Variants in FHIP1A observed in about 807,000 individuals in gnomAD.
FHIP1A encodes FHF complex subunit HOOK interacting protein 1A, also known as FHF complex subunit HOOK-interacting protein 1A.
FHIP1A carries 61 observed loss-of-function variants against 88.6 expected under a neutral mutation model. That is an observed-to-expected ratio of 0.69 (90% CI 0.56 to 0.85). The LOEUF (loss-of-function observed/expected upper bound fraction) is 0.85, where lower values mean the gene tolerates loss of function less well. FHIP1A is among the 40% of genes least tolerant of loss of function. The pLI is 0.00. For missense variants in FHIP1A, 1,154 were observed against 1,273.5 expected (o/e 0.91, Z 1.43); for synonymous variants, 478 against 496.0 (o/e 0.96, Z 0.48).
chr4:151,565,991 C>A, intron 3 of FHIP1A, 147 bp from the exon 4 acceptor site: 1 of 237,488 alleles, frequency 4.2e-6, no homozygotes, highest in Non-Finnish European at 8.2e-6. Flanking sequence ...ACAGGAGAGC[C>A]TTTAGATTGA....
intron 3 of FHIP1A, among the ~76,000 whole-genome samples, chr4:151,518,036 A>G (rs940031030): frequency 2.0e-5 from 3 of 152,210 alleles, no homozygotes; most frequent in Non-Finnish European, 4.4e-5. Flanking sequence ...GATGTACAGT[A>G]TTTATAAAGT....
At position 151,666,361 on chromosome 4, in the gene FHIP1A, A is replaced by G. The variant is rs1737664983; in HGVS notation, c.*3607A>G. Among the ~76,000 whole-genome samples, 2 of 152,166 alleles carry G rather than the reference A, an allele frequency of 1.3e-5. No individual in the cohort carries two copies. Among genetic ancestry groups the G allele is most frequent in the African/African-American group, 4.8e-5 (2 of 41,436 alleles). ...CATTTTGTGGAGTATCATTTTGGAA[A>G]ATGCTTTGATGTGCTCGGGTTGGAG... is the stretch of plus-strand genomic sequence containing the variant. On this transcript the variant is annotated 3_prime_UTR_variant, in exon 14 of 14. Coordinates refer to ENST00000435205, the MANE Select transcript of FHIP1A (RefSeq NM_001109977.3).
chr4:151,451,474 A>G (rs1728785031), intron 1 of FHIP1A, among the ~76,000 whole-genome samples: 1 of 152,186 alleles, frequency 6.6e-6, no homozygotes, highest in Admixed American at 6.5e-5. Flanking sequence ...TCTACATGAA[A>G]GATAGAATCT....
chr4:151,545,816 C>T (rs1732481739), intron 3 of FHIP1A, among the ~76,000 whole-genome samples: 1 of 151,936 alleles, frequency 6.6e-6, no homozygotes, highest in Admixed American at 6.6e-5. Context: ...AAAAAGAAAC[C>T]TGCTTTGAAA....
intron 7 of FHIP1A, among the ~76,000 whole-genome samples, chr4:151,624,761 G>A (rs1487279823): frequency 6.6e-6 from 1 of 152,128 alleles, no homozygotes; most frequent in African/African-American, 2.4e-5. Context: ...GCCTCTGGCG[G>A]TGCTAGCAGT....
intron 3 of FHIP1A, among the ~76,000 whole-genome samples, chr4:151,520,628 G>A (rs1354570762): frequency 6.6e-6 from 1 of 152,126 alleles, no homozygotes; most frequent in African/African-American, 2.4e-5. Flanking sequence ...AGACAAATAT[G>A]TATAACATTA....
chr4:151,617,717 C>A (rs578047919), intron 7 of FHIP1A, among the ~76,000 whole-genome samples: 1 of 152,222 alleles, frequency 6.6e-6, no homozygotes, highest in East Asian at 1.9e-4. Context: ...GAAACCCCAT[C>A]TCTACTAAAA....
chr4:151,527,417 G>A (rs1007303453), intron 3 of FHIP1A, among the ~76,000 whole-genome samples: 10 of 152,166 alleles, frequency 6.6e-5, no homozygotes, highest in African/African-American at 2.4e-4. Context: ...GCAGGCACTC[G>A]GCAGGCTGAG....
intron 3 of FHIP1A, among the ~76,000 whole-genome samples, chr4:151,535,323 T>G (rs1233602524): frequency 6.6e-6 from 1 of 152,224 alleles, no homozygotes; most frequent in Admixed American, 6.5e-5. Context: ...ACCCATTTAA[T>G]GCCAAATATG....
intron 1 of FHIP1A, among the ~76,000 whole-genome samples, chr4:151,410,557 A>G (rs1472888126): frequency 6.6e-6 from 1 of 152,184 alleles, no homozygotes; most frequent in Admixed American, 6.5e-5. Flanking sequence ...ATGAGAGGGA[A>G]GATTTCCTCT....
At chr4:151,655,822 C>T (rs1450452983) in intron 11 of FHIP1A, among the ~76,000 whole-genome samples, 1 of 152,132 alleles carries the variant, frequency 6.6e-6, no homozygotes, top group Non-Finnish European at 1.5e-5. Context: ...TTACATGAAA[C>T]CCTACCGTCC....
At chr4:151,531,327 A>G (rs1731869790) in intron 3 of FHIP1A, among the ~76,000 whole-genome samples, 1 of 151,958 alleles carries the variant, frequency 6.6e-6, no homozygotes, top group South Asian at 2.1e-4. Context: ...CTTTCATTGG[A>G]TCAGGTTCCA....
Position 151,646,649 on chromosome 4 carries a change from G to C in FHIP1A, c.1318G>C (p.Ala440Pro), listed in dbSNP as rs764642044. ...CYSVSAAKLL[A>P]LTPVCCSSGI... ...CTCTGTTTCTGCGGCCAAGCTTCTC[G>C]CCTTGACTCCTGTCTGCTGCTCCAG... is the stretch of plus-strand genomic sequence containing the variant. The change falls in exon 10 of 14, where the codon GCC becomes CCC. Residue 440 changes from alanine (A) to proline (P), a missense_variant. Ala to Pro is a conservative substitution (Grantham distance 27, BLOSUM62 -1). Transcript: ENST00000435205. The C allele has an allele frequency of 9.7e-6, 15 of 1,551,538 alleles. No homozygotes were observed. Among genetic ancestry groups the C allele is most frequent in the South Asian group, 4.8e-5 (4 of 84,056 alleles).
In FHIP1A at chr4:151,663,007, C is replaced by T. The variant is rs911285457; in HGVS notation, c.*253C>T. The T allele has an allele frequency of 1.4e-5, 5 of 362,808 alleles. No individual in the cohort carries two copies. The Admixed American group carries it at 2.2e-4, about 16-fold the overall frequency. 22.5% of individuals were successfully genotyped at this position (362,808 alleles called of 1,614,324 possible). On this transcript the variant is annotated 3_prime_UTR_variant, in exon 14 of 14. Coordinates refer to ENST00000435205, the MANE Select transcript of FHIP1A (RefSeq NM_001109977.3). ...CAGTTTTCTTTGCTCTGTTTTTCCT[C>T]CTTATATTTTTTTGGTTGTCATTCT...
At chr4:151,561,627 G>A (rs900010969) in intron 3 of FHIP1A, among the ~76,000 whole-genome samples, 2 of 152,132 alleles carry the variant, frequency 1.3e-5, no homozygotes, top group African/African-American at 4.8e-5. Context: ...AATTTTACAT[G>A]ATAAGCACAT....
At position 151,512,464 on chromosome 4, in the gene FHIP1A, C is replaced by T. The variant is rs1469104707; in HGVS notation, c.-123+29816C>T. On this transcript the variant is annotated intron_variant, in intron 3 of 13. Coordinates refer to ENST00000435205, the MANE Select transcript of FHIP1A (RefSeq NM_001109977.3). ...AAAGCTGGACGGAGAATGACTTTGA[C>T]GAGTTGAGAGAAGAAGGCTTCAGAT... Among the ~76,000 whole-genome samples, 7 of 152,278 alleles carry T rather than the reference C, an allele frequency of 4.6e-5. No individual in the cohort carries two copies. The East Asian group carries it at 5.8e-4, about 13-fold the overall frequency.
chr4:151,607,351 C>T (rs770827922), intron 7 of FHIP1A, among the ~76,000 whole-genome samples: 1 of 152,168 alleles, frequency 6.6e-6, no homozygotes, highest in Admixed American at 6.5e-5. Context: ...CATGGAGTGA[C>T]GGTAGCACTA....
chr4:151,462,188 TTGAGGGTAAGGC>T (rs1199729829), intron 2 of FHIP1A, among the ~76,000 whole-genome samples: 1 of 152,094 alleles, frequency 6.6e-6, no homozygotes, highest in Non-Finnish European at 1.5e-5. Context: ...TAAATGTATT[TTGAGGGTAAGGC>T]TGACCATATT....
chr4:151,452,976 A>AC, intron 1 of FHIP1A, among the ~76,000 whole-genome samples: 2 of 151,374 alleles, frequency 1.3e-5, no homozygotes, highest in Non-Finnish European at 2.9e-5. Context: ...ACACACACAC[A>AC]AACATACATT....
Sources: gnomAD v4.1 joint callset for allele counts (sites outside exome capture counted in the v4.1 genomes callset) on GRCh38, gnomAD v4.1.1 for gene constraint, MANE v1.5 for transcripts, NCBI Gene and HGNC (gene_info 2026-07-23, HGNC 2026-07-21) for gene names.